The following PTPRD variants were observed in gnomAD, a reference collection of about 807,000 sequenced individuals.
PTPRD encodes the protein protein tyrosine phosphatase receptor type D.
In PTPRD, 34 loss-of-function variants were observed where a neutral mutation model predicts 214.5. That is an observed-to-expected ratio of 0.16 (90% confidence interval 0.12 to 0.21). PTPRD has a LOEUF of 0.21. PTPRD is among the 10% of genes least tolerant of loss of function. PTPRD has a pLI of 1.00. For missense variants in PTPRD, 2,545 were observed against 2,398.7 expected, an observed-to-expected ratio of 1.06 and a Z score of -1.27; for synonymous variants, 1,128 against 845.7, an observed-to-expected ratio of 1.33 and a Z score of -5.79.
At chr9:9,571,697 C>A (rs893768551) in intron 8 of PTPRD, among the ~76,000 whole-genome samples, 1 of 150,766 alleles carries the variant, frequency 6.6e-6, no homozygotes, top group African/African-American at 2.4e-5. Flanking sequence ...TTGCATGAAA[C>A]TTATAATGGG....
At chr9:9,151,425 G>C (rs754571158) in intron 10 of PTPRD, among the ~76,000 whole-genome samples, 1 of 152,186 alleles carries the variant, frequency 6.6e-6, no homozygotes, top group South Asian at 2.1e-4. Flanking sequence ...GTGGACTCCT[G>C]ATGTCCCCCA....
intron 8 of PTPRD, among the ~76,000 whole-genome samples, chr9:9,444,625 A>T (rs941915849): frequency 6.6e-6 from 1 of 152,148 alleles, no homozygotes; most frequent in Non-Finnish European, 1.5e-5. Context: ...GCCCTTTTCT[A>T]TTATTTCCAA....
intron 3 of PTPRD, among the ~76,000 whole-genome samples, chr9:10,292,763 G>C (rs1886000): frequency 0.03 from 4,494 of 151,532 alleles, 298 homozygotes; most frequent in Admixed American, 0.16. Flanking sequence ...ATGACTGTAG[G>C]ATTTTTCTGT....
In PTPRD at chr9:8,527,369, C is replaced by A; in HGVS notation, c.542-16G>T. The A allele has an allele frequency of 5.0e-6, 8 of 1,604,936 alleles. No homozygotes were observed. Among genetic ancestry groups the A allele is most frequent in the Non-Finnish European group, 6.8e-6 (8 of 1,175,220 alleles). On this transcript the variant is annotated splice_polypyrimidine_tract_variant and intron_variant, in intron 15 of 45. Coordinates refer to ENST00000381196, the MANE Select transcript of PTPRD (RefSeq NM_002839.4). ...CCAATAGATTCTGGAGATTTAAATACGGAGAGAAGAAAGACAGCATAAAAA... is the reference window on the plus strand; with the variant it reads ...CCAATAGATTCTGGAGATTTAAATAAGGAGAGAAGAAAGACAGCATAAAAA...
At chr9:10,485,807 A>G (rs908686541) in intron 2 of PTPRD, among the ~76,000 whole-genome samples, 6 of 152,246 alleles carry the variant, frequency 3.9e-5, no homozygotes, top group African/African-American at 1.4e-4. Flanking sequence ...TTTGCAGACA[A>G]GAATAATTTC....
chr9:10,264,300 T>C (rs552021649), intron 3 of PTPRD, among the ~76,000 whole-genome samples: 159 of 152,212 alleles, frequency 1.0e-3, no homozygotes, highest in African/African-American at 3.6e-3. Flanking sequence ...TTGCACCATG[T>C]TCCTGGAAAG....
At chr9:8,640,790 C>A (rs1205654169) in intron 12 of PTPRD, among the ~76,000 whole-genome samples, 1 of 151,832 alleles carries the variant, frequency 6.6e-6, no homozygotes, top group African/African-American at 2.4e-5. Context: ...GATTCGCCCA[C>A]AAGATCCGAA....
intron 9 of PTPRD, among the ~76,000 whole-genome samples, chr9:9,379,003 T>C (rs1171448615): frequency 6.6e-6 from 1 of 151,620 alleles, no homozygotes. Context: ...AGTTTTTTTA[T>C]TTTAATGAAG....
At chr9:9,542,302 C>T (rs1050429303) in intron 8 of PTPRD, among the ~76,000 whole-genome samples, 3 of 151,564 alleles carry the variant, frequency 2.0e-5, no homozygotes, top group African/African-American at 7.3e-5. Flanking sequence ...ACATTGATTC[C>T]TGTCTCACTT....
At chr9:10,540,716 T>C (rs1779617359) in intron 2 of PTPRD, among the ~76,000 whole-genome samples, 2 of 152,312 alleles carry the variant, frequency 1.3e-5, no homozygotes, top group South Asian at 2.1e-4. Flanking sequence ...GTAATTTTTG[T>C]TTCTTTATTT....
intron 11 of PTPRD, among the ~76,000 whole-genome samples, chr9:8,757,382 G>C (rs1379760125): frequency 8.6e-5 from 13 of 151,994 alleles, no homozygotes; most frequent in Admixed American, 8.5e-4. Context: ...TCAATAATCA[G>C]CATAAGATTT....
intron 3 of PTPRD, among the ~76,000 whole-genome samples, chr9:10,111,007 A>G (rs1334395595): frequency 6.6e-6 from 1 of 152,126 alleles, no homozygotes; most frequent in Non-Finnish European, 1.5e-5. Context: ...TGGATTCAAC[A>G]CATGAGAGAG....
At chr9:9,107,816 T>A (rs967725747) in intron 10 of PTPRD, among the ~76,000 whole-genome samples, 2 of 152,176 alleles carry the variant, frequency 1.3e-5, no homozygotes, top group African/African-American at 4.8e-5. Flanking sequence ...ACCTTCAGGA[T>A]TGATGACTCA....
chr9:9,925,739 C>A (rs1233163557), intron 5 of PTPRD, among the ~76,000 whole-genome samples: 1 of 150,536 alleles, frequency 6.6e-6, no homozygotes. Context: ...CTTCTATGCA[C>A]CTTTTTTCCT....
chr9:8,676,698 C>T (rs1217229436), intron 12 of PTPRD, among the ~76,000 whole-genome samples: 2 of 152,032 alleles, frequency 1.3e-5, no homozygotes, highest in East Asian at 1.9e-4. Context: ...CTCAGCCTCC[C>T]GAGTAGCTGG....
intron 7 of PTPRD, among the ~76,000 whole-genome samples, chr9:9,722,252 T>C (rs1188955721): frequency 1.3e-5 from 2 of 152,040 alleles, no homozygotes; most frequent in African/African-American, 4.8e-5. Context: ...TTCTTCTTCC[T>C]CAGCTCTTGG....
intron 2 of PTPRD, among the ~76,000 whole-genome samples, chr9:10,597,806 A>C (rs556319341): frequency 2.0e-5 from 3 of 151,982 alleles, no homozygotes; most frequent in African/African-American, 4.8e-5. Context: ...GTCAGCAAGA[A>C]GCATAAACTT....
At position 8,340,579 on chromosome 9, in the gene PTPRD, T is replaced by G. The variant is rs1005916546; in HGVS notation, c.5127-110A>C. ...CTAATAAAAAACGAAAACATATTATTAATGCAATTGAGGTAAATTCCTGCT... is the reference window on the plus strand; with the variant it reads ...CTAATAAAAAACGAAAACATATTATGAATGCAATTGAGGTAAATTCCTGCT... On this transcript the variant is annotated intron_variant, in intron 41 of 45. Coordinates refer to ENST00000381196, the MANE Select transcript of PTPRD (RefSeq NM_002839.4). 9.2e-6 allele frequency: 10 copies of G among 1,081,486 alleles called. 1 individual carries two copies. In the South Asian group the frequency reaches 2.6e-4, roughly 28 times the overall value. The allele number at this position is 1,081,486 out of a possible 1,614,324, so 67.0% of individuals were successfully genotyped here.
chr9:9,775,887 C>T (rs924886305), intron 5 of PTPRD, among the ~76,000 whole-genome samples: 6 of 132,700 alleles, frequency 4.5e-5, no homozygotes, highest in Admixed American at 1.8e-4. Context: ...ACCAGGGAGG[C>T]GGAGCTTGCA....
Sources: allele counts gnomAD v4.1 joint callset (sites outside exome capture counted in the v4.1 genomes callset), GRCh38; gene constraint gnomAD v4.1.1; transcripts MANE v1.5; gene names NCBI Gene and HGNC (gene_info 2026-07-23, HGNC 2026-07-21).